SLC7A9: variants seen among roughly 807,000 people sequenced by gnomAD.
The protein encoded by SLC7A9 is B(0,+)-type amino acid transporter 1.
A neutral mutation model predicts 54.1 loss-of-function variants in SLC7A9; 38 were observed. That is an observed-to-expected ratio of 0.70 (90% CI 0.54 to 0.92). SLC7A9 has a LOEUF of 0.92. Among genes scored for constraint, SLC7A9 ranks in the 40% least tolerant of loss-of-function variants. SLC7A9 has a pLI of 0.00. For synonymous variants in SLC7A9, 264 were observed against 258.9 expected (o/e 1.02, Z -0.19); for missense variants, 537 against 636.1 (o/e 0.84, Z 1.68).
intron 9 of SLC7A9, among the ~76,000 whole-genome samples, chr19:32,854,848 A>G (rs778143514): frequency 2.0e-5 from 3 of 152,184 alleles, no homozygotes; most frequent in Admixed American, 6.5e-5. Context: ...TCGGCCTCCC[A>G]AAGTGCTGGG....
intron 8 of SLC7A9, 88 bp from the exon 9 acceptor site, chr19:32,858,631 G>T (rs1429255684): frequency 2.1e-6 from 2 of 969,344 alleles, no homozygotes; most frequent in Non-Finnish European, 3.2e-6. Flanking sequence ...CCTCCCAGGG[G>T]ACCCAGGGAC....
intron 2 of SLC7A9, 64 bp downstream of exon 2, chr19:32,868,384 C>T (rs974321585): frequency 1.2e-5 from 15 of 1,225,074 alleles, no homozygotes; most frequent in Middle Eastern, 3.8e-4. Context: ...TCACTGCCTG[C>T]GCCCCTCGTT....
chr19:32,862,690 G>A (rs1160829244), intron 4 of SLC7A9, 104 bp from the exon 5 acceptor site: 8 of 983,194 alleles, frequency 8.1e-6, no homozygotes, highest in Non-Finnish European at 1.1e-5. Flanking sequence ...TTTTGAGATG[G>A]AGTCTCACTC....
chr19:32,858,653 C>G, intron 8 of SLC7A9, 110 bp from the exon 9 acceptor site: 2 of 771,538 alleles, frequency 2.6e-6, no homozygotes, highest in Non-Finnish European at 4.5e-6. Flanking sequence ...CACCTCGCCT[C>G]GGGGCACAGC....
intron 11 of SLC7A9, among the ~76,000 whole-genome samples, chr19:32,837,555 G>A (rs186251166): frequency 6.6e-4 from 99 of 150,110 alleles, no homozygotes; most frequent in African/African-American, 2.2e-3. Flanking sequence ...CAGTAAATGT[G>A]CATATAAATA....
intron 12 of SLC7A9, among the ~76,000 whole-genome samples, chr19:32,831,791 G>A (rs1418651733): frequency 1.3e-5 from 2 of 152,236 alleles, no homozygotes; most frequent in African/African-American, 2.4e-5. Context: ...AGTTCCCCAG[G>A]CCAAGGCCAT....
chr19:32,839,842 G>A (rs904169771), intron 11 of SLC7A9, among the ~76,000 whole-genome samples: 3 of 152,146 alleles, frequency 2.0e-5, no homozygotes, highest in Non-Finnish European at 4.4e-5. Flanking sequence ...TTAAAGCTCT[G>A]TAATTTTATC....
chr19:32,843,964 G>A lies in SLC7A9; in HGVS notation c.978-13C>T, dbSNP rs759551858. The A allele has an allele frequency of 1.4e-5, 22 of 1,590,852 alleles. No homozygotes were observed. The East Asian group carries it at 1.6e-4, about 11-fold the overall frequency. On this transcript the variant is annotated splice_polypyrimidine_tract_variant and intron_variant, in intron 9 of 12. Coordinates refer to ENST00000023064, the MANE Select transcript of SLC7A9 (RefSeq NM_014270.5). ...CACGTAAATGAGTCTGGAAAATAAC[G>A]ACACGGGAGTCCGCTGACCAGAGTG...
At position 32,868,453 on chromosome 19, in the gene SLC7A9, T is replaced by C. The variant is rs1269626983; in HGVS notation, c.82A>G (p.Lys28Glu). The C allele has an allele frequency of 6.2e-7, 1 of 1,613,424 alleles. No individual in the cohort carries two copies. The highest frequency in any genetic ancestry group is 1.7e-5 in the Admixed American group (1 of 59,994). The change falls in exon 2 of 13, where the codon AAG (lysine) becomes GAG (glutamate). Residue 28 changes from lysine to glutamate, a missense_variant. By Grantham distance (56) the Lys-to-Glu change is moderately conservative. Coordinates refer to ENST00000023064, the MANE Select transcript of SLC7A9 (RefSeq NM_014270.5). The part of the protein sequence containing the change: ...SQEPKTTSLQ[K>E]ELGLISGISI... Reference sequence around the variant, plus strand: ...CCCACCAGAGACCGCCTTACCTCCTTTTGGAGACTGGTGGTCTTAGGCTCT... The same window carrying C: ...CCCACCAGAGACCGCCTTACCTCCTCTTGGAGACTGGTGGTCTTAGGCTCT...
At position 32,843,942 on chromosome 19, in the gene SLC7A9, G is replaced by T; in HGVS notation, c.987C>A (p.Tyr329Ter). The change falls in exon 10 of 13, where the codon TAC (tyrosine) becomes TAA (stop). Residue 329 changes from tyrosine (Y) to a stop codon, truncating the protein, a stop_gained. Transcript: ENST00000023064. LOFTEE classifies it high-confidence loss of function. ...GTCFTAGRLI[Y>*]VAGREGHMLK... Reference sequence around the variant, plus strand: ...GCATGTGACCCTCCCGGCCCGCCACGTAAATGAGTCTGGAAAATAACGACA... The same window carrying T: ...GCATGTGACCCTCCCGGCCCGCCACTTAAATGAGTCTGGAAAATAACGACA... The T allele has an allele frequency of 6.2e-7, 1 of 1,613,024 alleles. No individual in the cohort carries two copies. Among genetic ancestry groups the T allele is most frequent in the Non-Finnish European group, 8.5e-7 (1 of 1,179,428 alleles).
chr19:32,839,569 A>C (rs556858834), intron 11 of SLC7A9, among the ~76,000 whole-genome samples: 3 of 151,890 alleles, frequency 2.0e-5, no homozygotes, highest in African/African-American at 7.2e-5. Context: ...AAAAAAAAAA[A>C]AAGTCTCGTG....
At chr19:32,838,809 C>T (rs1021596871) in intron 11 of SLC7A9, among the ~76,000 whole-genome samples, 6 of 118,990 alleles carry the variant, frequency 5.0e-5, no homozygotes, top group South Asian at 2.3e-4. Context: ...ACATATATAT[C>T]TATTATACAC....
chr19:32,859,723 C>G, intron 8 of SLC7A9, 118 bp downstream of exon 8: 1 of 930,648 alleles, frequency 1.1e-6, no homozygotes, highest in South Asian at 1.3e-5. Flanking sequence ...CAGTCCATGT[C>G]CCCGTCCGTG....
intron 9 of SLC7A9, among the ~76,000 whole-genome samples, chr19:32,850,127 A>G (rs1463440075): frequency 1.3e-5 from 2 of 148,608 alleles, no homozygotes; most frequent in Admixed American, 6.7e-5. Flanking sequence ...GGCACAAGAC[A>G]GGGGTGCCCT....
In SLC7A9 at chr19:32,833,228, AC is replaced by A; in HGVS notation, c.1319del (p.Cys440LeufsTer6). ...ISKPTWEYLYCVLFILSGLLF... is the reference protein window; with the variant it reads ...ISKPTWEYLYXVLFILSGLLF... Reference sequence around the variant, plus strand: ...AAAGGCCGCTTAATATAAACAGCACACAGTAGAGGTACTCCCAGGTGGGCTT... The same window carrying A: ...AAAGGCCGCTTAATATAAACAGCACAAGTAGAGGTACTCCCAGGTGGGCTT... On this transcript the variant is annotated frameshift_variant, in exon 12 of 13. Coordinates refer to ENST00000023064, the MANE Select transcript of SLC7A9 (RefSeq NM_014270.5). LOFTEE classifies it high-confidence loss of function. The A allele has an allele frequency of 6.2e-7, 1 of 1,614,194 alleles. No individual in the cohort carries two copies. Among genetic ancestry groups the A allele is most frequent in the Non-Finnish European group, 8.5e-7 (1 of 1,179,996 alleles).
intron 9 of SLC7A9, 44 bp downstream of exon 9, chr19:32,858,396 C>A: frequency 7.2e-7 from 1 of 1,391,400 alleles, no homozygotes. Flanking sequence ...ATATTGCTTT[C>A]GCCGCCCCTG....
intron 2 of SLC7A9, among the ~76,000 whole-genome samples, chr19:32,867,661 C>T (rs1969010577): frequency 1.3e-5 from 2 of 151,934 alleles, no homozygotes; most frequent in South Asian, 2.1e-4. Flanking sequence ...AAATAATATG[C>T]GGGCCGGGCA....
chr19:32,857,782 C>T (rs889572603), intron 9 of SLC7A9, among the ~76,000 whole-genome samples: 1 of 152,142 alleles, frequency 6.6e-6, no homozygotes, highest in Non-Finnish European at 1.5e-5. Flanking sequence ...TACAACACAG[C>T]TGGTGGCAGT....
intron 2 of SLC7A9, among the ~76,000 whole-genome samples, chr19:32,867,837 C>G (rs969899068): frequency 6.9e-6 from 1 of 145,772 alleles, no homozygotes; most frequent in Non-Finnish European, 1.5e-5. Flanking sequence ...CCCAGCTACT[C>G]AGGAGCTGCT....
Sources: allele counts gnomAD v4.1 joint callset (sites outside exome capture counted in the v4.1 genomes callset), GRCh38; gene constraint gnomAD v4.1.1; transcripts MANE v1.5; gene names NCBI Gene and HGNC (gene_info 2026-07-23, HGNC 2026-07-21).